ERMP1: variants seen among roughly 807,000 people sequenced by gnomAD.
The protein encoded by ERMP1 is endoplasmic reticulum metallopeptidase 1, also known as Felix-ina.
A neutral mutation model predicts 92.0 loss-of-function variants in ERMP1; 86 were observed. The observed-to-expected ratio is 0.93, with a 90% CI of 0.79 to 1.12. The LOEUF is 1.12. Ranked by LOEUF, ERMP1 falls within the 50% of genes most tolerant of loss-of-function variation. The probability of loss-of-function intolerance (pLI) is 0.00; values close to 1 mark genes in which losing one functional copy is unlikely to be tolerated. For missense variants in ERMP1, 1,342 were observed against 1,116.3 expected (o/e 1.20, Z -2.88); for synonymous variants, 530 against 412.8 (o/e 1.28, Z -3.44).
rs750745938 is a variant in ERMP1, at chr9:5,805,067, G to T, written c.1874C>A (p.Ser625Tyr). The T allele has an allele frequency of 6.2e-7, 1 of 1,613,160 alleles. No individual in the cohort carries two copies. Residue 625 changes from serine to tyrosine, a missense_variant, in exon 10 of 15, where the codon TCC becomes TAC. Ser to Tyr is a moderately radical substitution (Grantham distance 144). Transcript: ENST00000339450. ...AATCATTGTACAGCCAGCCAAAATG[G>T]ATGCCAGCACAACATCAGGTGGGAT... ...SEIPPDVVLA[S>Y]ILAGCTMILS...
intron 6 of ERMP1, among the ~76,000 whole-genome samples, chr9:5,847,995 A>T (rs1207426193): frequency 6.6e-6 from 1 of 152,134 alleles, no homozygotes; most frequent in Non-Finnish European, 1.5e-5. Flanking sequence ...GGTTTTATCA[A>T]TGGAAAACTG....
intron 8 of ERMP1, 69 bp from the exon 9 acceptor site, chr9:5,805,854 A>G: frequency 8.3e-7 from 1 of 1,209,878 alleles, no homozygotes; most frequent in Non-Finnish European, 1.1e-6. Flanking sequence ...TATTATAGTA[A>G]CACACTTTCC....
intron 7 of ERMP1, among the ~76,000 whole-genome samples, chr9:5,810,728 CA>C (rs1829059793): frequency 2.0e-5 from 3 of 152,080 alleles, no homozygotes; most frequent in African/African-American, 7.2e-5. Flanking sequence ...ACATTTCAAG[CA>C]GAAATATTTC....
chr9:5,861,701 A>G (rs1354669788), intron 5 of ERMP1, among the ~76,000 whole-genome samples: 1 of 147,498 alleles, frequency 6.8e-6, no homozygotes, highest in Non-Finnish European at 1.5e-5. Flanking sequence ...TGTTGACCCC[A>G]GAGAAGAGAG....
intron 13 of ERMP1, among the ~76,000 whole-genome samples, chr9:5,787,918 G>A (rs1828011688): frequency 1.3e-5 from 2 of 152,218 alleles, no homozygotes; most frequent in East Asian, 3.8e-4. Context: ...GCATATGAAA[G>A]TGTTGGCAAA....
upstream of ERMP1, among the ~76,000 whole-genome samples, chr9:5,834,978 T>TAG (rs771325220): frequency 4.9e-4 from 5 of 10,126 alleles, no homozygotes; most frequent in Non-Finnish European, 8.1e-4. Context: ...GATAGATAGA[T>TAG]GTGTGTGTGT....
At chr9:5,809,963 G>C (rs751032289) in intron 8 of ERMP1, 48 bp downstream of exon 8, 26 of 1,300,434 alleles carry the variant, frequency 2.0e-5, no homozygotes, top group Non-Finnish European at 2.9e-5. Context: ...TTCATCTTCA[G>C]TCCCTGGAGG....
chr9:5,828,819 T>G (rs368304789), intron 2 of ERMP1, among the ~76,000 whole-genome samples: 1 of 152,336 alleles, frequency 6.6e-6, no homozygotes, highest in Admixed American at 6.5e-5. Flanking sequence ...TTGCTGCTAA[T>G]TCTTGTATAT....
At chr9:5,843,647 C>T (rs889701123) in intron 6 of ERMP1, among the ~76,000 whole-genome samples, 1 of 152,338 alleles carries the variant, frequency 6.6e-6, no homozygotes, top group Middle Eastern at 3.4e-3. Flanking sequence ...CCCCTCCCCG[C>T]TTCTAGCCAC....
At chr9:5,866,426 T>TGC (rs1324642835) in intron 5 of ERMP1, among the ~76,000 whole-genome samples, 1 of 152,220 alleles carries the variant, frequency 6.6e-6, no homozygotes, top group African/African-American at 2.4e-5. Context: ...CAAACAGAGC[T>TGC]GCTCCTCCAC....
At chr9:5,822,627 C>T (rs1458025691) in intron 4 of ERMP1, among the ~76,000 whole-genome samples, 1 of 152,166 alleles carries the variant, frequency 6.6e-6, no homozygotes, top group Non-Finnish European at 1.5e-5. Flanking sequence ...TAGCCCATCT[C>T]AGCACACAAC....
chr9:5,787,230 G>A lies in ERMP1; in HGVS notation c.2629C>T (p.Pro877Ser). The change falls in exon 15 of 15, where the codon CCT becomes TCT. Residue 877 changes from proline (P) to serine (S), a missense_variant. Coordinates refer to ENST00000339450, the MANE Select transcript of ERMP1 (RefSeq NM_024896.3). Reference protein sequence around the residue: ...HYLSGEDKRSPQLDALKEKFP... With the variant: ...HYLSGEDKRSSQLDALKEKFP... ...TTTTCCTTCAGAGCATCCAGTTGAG[G>A]GGATCTCTTGTCTTCCCCAGACAGA... 6.2e-7 allele frequency: 1 copy of A among 1,614,036 alleles called. No individual in the cohort carries two copies. The highest frequency in any genetic ancestry group is 1.1e-5 in the South Asian group (1 of 91,070).
intron 6 of ERMP1, among the ~76,000 whole-genome samples, chr9:5,850,659 C>T (rs978647718): frequency 6.6e-6 from 1 of 152,064 alleles, no homozygotes; most frequent in African/African-American, 2.4e-5. Flanking sequence ...ACAACAACAA[C>T]AAAAAATCCT....
At chr9:5,852,290 G>T (rs956741792) in intron 6 of ERMP1, among the ~76,000 whole-genome samples, 24 of 150,552 alleles carry the variant, frequency 1.6e-4, no homozygotes, top group African/African-American at 5.1e-4. Flanking sequence ...TCCAGACAGC[G>T]TCTCATTCTG....
At chr9:5,813,994 G>T (rs886142139) in intron 4 of ERMP1, among the ~76,000 whole-genome samples, 1 of 151,714 alleles carries the variant, frequency 6.6e-6, no homozygotes, top group Admixed American at 6.6e-5. Flanking sequence ...TGTAATGCCT[G>T]CCTGGGGAAT....
At chr9:5,826,308 A>C (rs1316060471) in intron 2 of ERMP1, among the ~76,000 whole-genome samples, 1 of 152,250 alleles carries the variant, frequency 6.6e-6, no homozygotes, top group Non-Finnish European at 1.5e-5. Flanking sequence ...CATTTGAAGC[A>C]GGGTGCCAAA....
intron 5 of ERMP1, among the ~76,000 whole-genome samples, chr9:5,865,511 A>AAATAATAATAAT (rs58367366): frequency 2.1e-5 from 3 of 142,244 alleles, no homozygotes; most frequent in African/African-American, 7.8e-5. Context: ...CCATCTCAAA[A>AAATAATAATAAT]AATAATAATA....
At chr9:5,848,614 C>CAA (rs76794601) in intron 6 of ERMP1, among the ~76,000 whole-genome samples, 44,285 of 151,956 alleles carry the variant, frequency 0.29, 6,755 homozygotes, top group East Asian at 0.55. Context: ...TGGTTTTCTA[C>CAA]AAGGATTTAG....
chr9:5,855,233 G>A (rs375545742), intron 6 of ERMP1, among the ~76,000 whole-genome samples: 1 of 152,184 alleles, frequency 6.6e-6, no homozygotes, highest in South Asian at 2.1e-4. Context: ...CTGAAAAGGA[G>A]AGACTCTATG....
Sources: allele counts gnomAD v4.1 joint callset (sites outside exome capture counted in the v4.1 genomes callset), GRCh38; gene constraint gnomAD v4.1.1; transcripts MANE v1.5; gene names NCBI Gene and HGNC (gene_info 2026-07-23, HGNC 2026-07-21).